The following NUP133 variants were observed in gnomAD, a reference collection of about 807,000 sequenced individuals.
NUP133 encodes the protein nuclear pore complex protein Nup133.
A neutral mutation model predicts 146.2 loss-of-function variants in NUP133; 66 were observed. That is an observed-to-expected ratio of 0.45 (90% CI 0.37 to 0.55). The LOEUF (loss-of-function observed/expected upper bound fraction) is 0.55, where lower values mean the gene tolerates loss of function less well. NUP133 is among the 20% of genes least tolerant of loss of function. The pLI, the probability that NUP133 is intolerant of heterozygous loss-of-function variation, is 0.00. For missense variants in NUP133, 1,277 were observed against 1,374.8 expected (o/e 0.93, Z 1.12); for synonymous variants, 521 against 498.8 (o/e 1.04, Z -0.59).
At chr1:229,468,489 TACCATTTTTCATA>T (rs1660876774) in intron 15 of NUP133, among the ~76,000 whole-genome samples, 1 of 152,068 alleles carries the variant, frequency 6.6e-6, no homozygotes. Context: ...TCCTAAACAT[TACCATTTTTCATA>T]TGGAACATTC....
intron 21 of NUP133, among the ~76,000 whole-genome samples, chr1:229,454,379 G>A (rs1660517955): frequency 6.6e-6 from 1 of 152,114 alleles, no homozygotes; most frequent in Non-Finnish European, 1.5e-5. Context: ...AGCATTCCCC[G>A]TGATCCTGGT....
chr1:229,486,871 C>A (rs1209802426), intron 10 of NUP133, among the ~76,000 whole-genome samples: 3 of 145,170 alleles, frequency 2.1e-5, no homozygotes, highest in Non-Finnish European at 4.5e-5. Context: ...TTAATTCTGA[C>A]TTTAACTTAC....
At chr1:229,453,342 C>T (rs531722103) in intron 21 of NUP133, among the ~76,000 whole-genome samples, 13 of 152,174 alleles carry the variant, frequency 8.5e-5, no homozygotes, top group African/African-American at 2.9e-4. Flanking sequence ...GTCTGTGGTG[C>T]ATATCAAGCA....
chr1:229,475,098 CAATAAATA>C (rs541499624), intron 14 of NUP133, among the ~76,000 whole-genome samples: 1,933 of 151,396 alleles, frequency 0.013, 42 homozygotes, highest in African/African-American at 0.043. Flanking sequence ...TGCCCTGTCT[CAATAAATA>C]AATAAATAAA....
In NUP133 at chr1:229,447,758, G is replaced by C. The variant is rs77223348; in HGVS notation, c.3245+1368C>G. On this transcript the variant is annotated intron_variant, in intron 24 of 25. Transcript: ENST00000261396. ...AAGGTGGAGGGCCAGAGAGGCTTTGGAAGTTCCAAGCCCCTTCCCCTATAC... is the reference window on the plus strand; with the variant it reads ...AAGGTGGAGGGCCAGAGAGGCTTTGCAAGTTCCAAGCCCCTTCCCCTATAC... Among the ~76,000 whole-genome samples, 1,278 of 152,250 alleles carry C rather than the reference G, an allele frequency of 8.4e-3. 9 individuals are homozygous for C. Among genetic ancestry groups the C allele is most frequent in the Middle Eastern group, 0.027 (8 of 294 alleles).
rs187410277 is a variant in NUP133, at chr1:229,444,645, G to A, written c.3334+269C>T. ...AGGTGGATCATGAGGTCAGGAGTTC[G>A]AGACCAGCCTGGCCAATATGGTGAA... On this transcript the variant is annotated intron_variant, in intron 25 of 25. Transcript: ENST00000261396. Among the ~76,000 whole-genome samples the A allele has an allele frequency of 3.7e-3, 560 of 151,356 alleles. 5 individuals are homozygous for A. Among genetic ancestry groups the A allele is most frequent in the African/African-American group, 0.012 (507 of 41,238 alleles).
At chr1:229,444,536 C>T (rs547938249) in intron 25 of NUP133, among the ~76,000 whole-genome samples, 35 of 151,778 alleles carry the variant, frequency 2.3e-4, no homozygotes, top group African/African-American at 8.4e-4. Context: ...AATCTGAATA[C>T]TAATGCTTGG....
At chr1:229,491,707 T>C (rs916699295) in intron 8 of NUP133, among the ~76,000 whole-genome samples, 1 of 152,118 alleles carries the variant, frequency 6.6e-6, no homozygotes, top group Non-Finnish European at 1.5e-5. Context: ...GAACCTGCGA[T>C]GCAGAGATTG....
chr1:229,443,733 T>A (rs1417467070), intron 25 of NUP133, among the ~76,000 whole-genome samples: 1 of 142,346 alleles, frequency 7.0e-6, no homozygotes, highest in Non-Finnish European at 1.5e-5. Flanking sequence ...ATTTTTTTTT[T>A]TTTTTTTTTT....
At chr1:229,478,720 G>C (rs533182228) in intron 12 of NUP133, among the ~76,000 whole-genome samples, 5 of 152,242 alleles carry the variant, frequency 3.3e-5, no homozygotes, top group African/African-American at 1.2e-4. Context: ...AGAAACGAGG[G>C]ATACTGAGAA....
chr1:229,499,148 C>T (rs1192032006), intron 5 of NUP133: 3 of 467,714 alleles, frequency 6.4e-6, no homozygotes, highest in Non-Finnish European at 1.3e-5. Context: ...AATCCTTCCG[C>T]TTCAGCCATT....
chr1:229,491,247 C>G (rs977539130), intron 8 of NUP133, among the ~76,000 whole-genome samples: 4 of 152,312 alleles, frequency 2.6e-5, no homozygotes, highest in African/African-American at 9.6e-5. Context: ...CCGCCAAAGC[C>G]TAAAACAGTT....
At chr1:229,461,152 G>C (rs1400813180) in intron 19 of NUP133, among the ~76,000 whole-genome samples, 1 of 152,142 alleles carries the variant, frequency 6.6e-6, no homozygotes, top group East Asian at 1.9e-4. Flanking sequence ...CTCCCATTTG[G>C]ACAGCGCATT....
intron 21 of NUP133, among the ~76,000 whole-genome samples, chr1:229,454,999 T>G (rs570341602): frequency 2.0e-5 from 3 of 152,318 alleles, no homozygotes; most frequent in Non-Finnish European, 4.4e-5. Context: ...TCCTTACAAC[T>G]ACCCTTGTTA....
chr1:229,454,472 G>A (rs1411449281), intron 21 of NUP133, among the ~76,000 whole-genome samples: 1 of 152,172 alleles, frequency 6.6e-6, no homozygotes, highest in Non-Finnish European at 1.5e-5. Context: ...AACAGTACCA[G>A]TGGCTATCTC....
intron 10 of NUP133, among the ~76,000 whole-genome samples, chr1:229,487,191 G>C (rs1661372644): frequency 1.3e-5 from 2 of 152,066 alleles, no homozygotes; most frequent in Non-Finnish European, 2.9e-5. Context: ...CTAGGAATAA[G>C]CAATTACTTC....
chr1:229,475,656 A>G lies in NUP133; in HGVS notation c.1833T>C (p.Leu611=). Residue 611 remains leucine (L), a synonymous_variant, in exon 14 of 26, where the codon CTT becomes CTC. Coordinates refer to ENST00000261396, the MANE Select transcript of NUP133 (RefSeq NM_018230.3). ...CTCTTACTTGATGAATAAAGTCCAT[A>G]AGAAAAGAGTGAGCTTTCATCTTGT... ...LEDKMKAHSF[L]MDFIHQVGLF... is the part of the protein sequence containing the mutation. The G allele has an allele frequency of 6.2e-7, 1 of 1,614,042 alleles. No individual in the cohort carries two copies. The highest frequency in any genetic ancestry group is 8.5e-7 in the Non-Finnish European group (1 of 1,179,858).
Position 229,450,576 on chromosome 1 carries a change from A to C in NUP133, c.3129T>G (p.Ala1043=). 6.3e-7 allele frequency: 1 copy of C among 1,582,772 alleles called. No individual in the cohort carries two copies. The highest frequency in any genetic ancestry group is 8.6e-7 in the Non-Finnish European group (1 of 1,157,054). Residue 1043 remains alanine, a synonymous_variant, in exon 23 of 26, where the codon GCT becomes GCG. Transcript: ENST00000261396. ...AAGCTTTCTTGAAATCATATTCATTAGCTCTTCTATTTTCTTCACAGATAT... is the reference window on the plus strand; with the variant it reads ...AAGCTTTCTTGAAATCATATTCATTCGCTCTTCTATTTTCTTCACAGATAT... ...GLYICEENRR[A]NEYDFKKALD...
At chr1:229,456,285 C>T (rs1415334187) in intron 21 of NUP133, among the ~76,000 whole-genome samples, 1 of 152,182 alleles carries the variant, frequency 6.6e-6, no homozygotes, top group African/African-American at 2.4e-5. Flanking sequence ...TCAATGGTCT[C>T]AGCATCCTCT....
Sources: gnomAD v4.1 joint callset for allele counts (sites outside exome capture counted in the v4.1 genomes callset) on GRCh38, gnomAD v4.1.1 for gene constraint, MANE v1.5 for transcripts, NCBI Gene and HGNC (gene_info 2026-07-23, HGNC 2026-07-21) for gene names.